Variants in NCOA2 observed in about 807,000 individuals in gnomAD.
NCOA2 encodes class E basic helix-loop-helix protein 75.
Under a neutral mutation model 145.1 loss-of-function variants are expected in NCOA2, and 21 were observed. The observed-to-expected ratio is 0.14, with a 90% confidence interval of 0.10 to 0.21. The LOEUF is 0.21. Ranked by LOEUF, NCOA2 falls within the 10% of genes least tolerant of loss-of-function variation. The pLI is 1.00. For synonymous variants in NCOA2, 619 were observed against 637.5 expected, an observed-to-expected ratio of 0.97 and a Z score of 0.44; for missense variants, 1,472 against 1,837.6, an observed-to-expected ratio of 0.80 and a Z score of 3.64.
At chr8:70,239,131 G>A (rs1452849766) in intron 2 of NCOA2, among the ~76,000 whole-genome samples, 2 of 152,080 alleles carry the variant, frequency 1.3e-5, no homozygotes, top group African/African-American at 4.8e-5. Context: ...AGAAGACTGT[G>A]TTCCAGAATA....
rs1385682279 is a variant in NCOA2 at position 70,138,226 on chromosome 8, C to T, written c.3135G>A (p.Gln1045=). The T allele has an allele frequency of 1.2e-6, 2 of 1,613,700 alleles. No homozygotes were observed. Among genetic ancestry groups the T allele is most frequent in the Non-Finnish European group, 8.5e-7 (1 of 1,179,782 alleles). ...PWPESILPID[Q]ASFASQNRQP... is the part of the protein sequence containing the mutation. ...ACCTGTTTTGGCTGGCAAAAGACGC[C>T]TGGTCTATAGGCAGGATGCTTTCAG... is the stretch of plus-strand genomic sequence containing the variant. The change falls in exon 15 of 23, where the codon CAG becomes CAA. Residue 1045 remains glutamine (Q), a synonymous_variant. Coordinates refer to ENST00000452400, the MANE Select transcript of NCOA2 (RefSeq NM_006540.4).
intron 2 of NCOA2, chr8:70,273,985 C>T (rs1825273391): frequency 2.8e-6 from 1 of 357,408 alleles, no homozygotes; most frequent in Non-Finnish European, 5.4e-6. Context: ...TTTTTAAGCT[C>T]AAGTCCCTTG....
In NCOA2 at chr8:70,145,218, C is replaced by A. The variant is rs562086018; in HGVS notation, c.2606-370G>T. On this transcript the variant is annotated intron_variant, in intron 12 of 22. Coordinates refer to ENST00000452400, the MANE Select transcript of NCOA2 (RefSeq NM_006540.4). ...TGTTGCCCAAGCTAGAGTGCAATGG[C>A]ACGATCTCGGCTCATTACAACCTCT... 3.6e-4 allele frequency among the ~76,000 whole-genome samples: 55 copies of A among 152,334 alleles called. 2 individuals carry two copies. Among genetic ancestry groups the A allele is most frequent in the African/African-American group, 1.3e-3 (55 of 41,570 alleles).
At chr8:70,305,303 C>T (rs1232891793) in intron 1 of NCOA2, among the ~76,000 whole-genome samples, 2 of 152,038 alleles carry the variant, frequency 1.3e-5, no homozygotes, top group African/African-American at 2.4e-5. Context: ...CCAAAGGCAC[C>T]CTTCCCCAAA....
chr8:70,178,733 A>C (rs551114224), intron 4 of NCOA2, among the ~76,000 whole-genome samples: 2 of 152,242 alleles, frequency 1.3e-5, no homozygotes, highest in Non-Finnish European at 2.9e-5. Flanking sequence ...GACATAGCTG[A>C]AAGTATTTCA....
chr8:70,250,791 C>G lies in NCOA2; in HGVS notation c.-19-34027G>C, dbSNP rs527867098. On this transcript the variant is annotated intron_variant, in intron 2 of 22. Coordinates refer to ENST00000452400, the MANE Select transcript of NCOA2 (RefSeq NM_006540.4). ...TAAGCTCTGAAGGTGACATGTTTAA[C>G]AAGTTGCAGAGTGTGAACTTTTCAG... Among the ~76,000 whole-genome samples, 8 of 152,252 alleles carry G rather than the reference C, an allele frequency of 5.3e-5. No homozygotes were observed. The South Asian group carries it at 1.2e-3, about 24-fold the overall frequency.
intron 1 of NCOA2, among the ~76,000 whole-genome samples, chr8:70,304,658 GTTTT>G (rs941035676): frequency 6.6e-6 from 1 of 150,728 alleles, no homozygotes; most frequent in Admixed American, 6.6e-5. Context: ...GTTTTGTTTT[GTTTT>G]TTTGTTTTTT....
chr8:70,163,612 G>A (rs766767268), intron 7 of NCOA2, 46 bp from the exon 8 acceptor site: 8 of 1,447,584 alleles, frequency 5.5e-6, no homozygotes, highest in Middle Eastern at 1.7e-4. Context: ...CTTTTCTAGT[G>A]ATTCAAACAA....
At chr8:70,434,394 T>A in the NCOA2 span, among the ~76,000 whole-genome samples, 1 of 152,188 alleles carries the variant, frequency 6.6e-6, no homozygotes, top group Non-Finnish European at 1.5e-5. Context: ...TGAATCTACA[T>A]CATTATGGAG....
chr8:70,380,729 G>A (rs1364599806), intron 1 of NCOA2, among the ~76,000 whole-genome samples: 4 of 151,820 alleles, frequency 2.6e-5, no homozygotes, highest in African/African-American at 4.8e-5. Flanking sequence ...AATTTTGTTC[G>A]AGTGAGCATT....
At position 70,156,319 on chromosome 8, in the gene NCOA2, C is replaced by G; in HGVS notation, c.2046G>C (p.Ser682=). Residue 682 remains serine, a synonymous_variant, in exon 11 of 23, where the codon TCG becomes TCC. Transcript: ENST00000452400. ...GCAAAATTTTATGCTTCTCCTTGAG[C>G]GAGGTTCCATGTGTAGACCCAGAAC... The part of the protein sequence containing the change: ...LPGSGSTHGT[S]LKEKHKILHR... 1 of 1,613,864 alleles carries G rather than the reference C, an allele frequency of 6.2e-7. No individual in the cohort carries two copies. The highest frequency in any genetic ancestry group is 8.5e-7 in the Non-Finnish European group (1 of 1,179,876).
intron 2 of NCOA2, among the ~76,000 whole-genome samples, chr8:70,252,539 C>T (rs1462175484): frequency 6.6e-6 from 1 of 152,174 alleles, no homozygotes; most frequent in Non-Finnish European, 1.5e-5. Flanking sequence ...GTGGGTTAAC[C>T]AGATTTGCTC....
At chr8:70,452,736 A>G in the NCOA2 span, among the ~76,000 whole-genome samples, 1 of 152,090 alleles carries the variant, frequency 6.6e-6, no homozygotes, top group Admixed American at 6.5e-5. Flanking sequence ...AAAAAGAAAA[A>G]AAAAAGCCAA....
intron 1 of NCOA2, among the ~76,000 whole-genome samples, chr8:70,378,743 TA>T (rs10672044): frequency 0.095 from 10,422 of 109,766 alleles, 414 homozygotes; most frequent in African/African-American, 0.13. Flanking sequence ...TAGGCTATGC[TA>T]AAAAAAAAAA....
chr8:70,284,876 G>A (rs913560400), intron 2 of NCOA2, among the ~76,000 whole-genome samples: 1 of 151,674 alleles, frequency 6.6e-6, no homozygotes, highest in African/African-American at 2.4e-5. Flanking sequence ...GACGGGGAGA[G>A]AATTATCTCA....
chr8:70,127,365 G>C (rs953363209), intron 18 of NCOA2, among the ~76,000 whole-genome samples: 1 of 152,304 alleles, frequency 6.6e-6, no homozygotes. Flanking sequence ...TCTATAAGAA[G>C]ACTGTAATAT....
intron 15 of NCOA2, 81 bp downstream of exon 15, chr8:70,138,122 A>T: frequency 6.9e-7 from 1 of 1,447,224 alleles, no homozygotes; most frequent in Non-Finnish European, 9.4e-7. Flanking sequence ...AAAACTGGTC[A>T]GGCACCGACT....
chr8:70,350,341 T>A (rs1316066897), intron 1 of NCOA2, among the ~76,000 whole-genome samples: 2 of 152,150 alleles, frequency 1.3e-5, no homozygotes. Context: ...CTCACATGAG[T>A]TCACTCAGTT....
chr8:70,237,426 CTT>C (rs59737946), intron 2 of NCOA2, among the ~76,000 whole-genome samples: 13,801 of 142,220 alleles, frequency 0.097, 2,005 homozygotes, highest in African/African-American at 0.32. Context: ...CAGTATTTTC[CTT>C]TTTTTTTTTT....
Sources: gnomAD v4.1 joint callset for allele counts (sites outside exome capture counted in the v4.1 genomes callset) on GRCh38, gnomAD v4.1.1 for gene constraint, MANE v1.5 for transcripts, NCBI Gene and HGNC (gene_info 2026-07-23, HGNC 2026-07-21) for gene names.